Variants in C11orf65 observed in about 807,000 individuals in gnomAD.
C11orf65 encodes chromosome 11 open reading frame 65, also known as protein MFI.
C11orf65 carries 38 observed loss-of-function variants against 35.3 expected under a neutral mutation model. The ratio of observed to expected loss-of-function variants is 1.08; its 90% CI spans 0.83 to 1.41. The LOEUF is 1.41. C11orf65 is among the 40% of genes most tolerant of loss of function. C11orf65 has a pLI of 0.00. For synonymous variants in C11orf65, 105 were observed against 114.4 expected (o/e 0.92, Z 0.53); for missense variants, 370 against 367.1 (o/e 1.01, Z -0.06).
intron 2 of C11orf65, among the ~76,000 whole-genome samples, chr11:108,369,495 A>G (rs2091485758): frequency 6.6e-6 from 1 of 152,188 alleles, no homozygotes; most frequent in Non-Finnish European, 1.5e-5. Context: ...TTTTAAAATA[A>G]ATTCAGTCCT....
intron 6 of C11orf65, among the ~76,000 whole-genome samples, chr11:108,313,954 A>G (rs2084387596): frequency 6.6e-6 from 1 of 152,084 alleles, no homozygotes; most frequent in Non-Finnish European, 1.5e-5. Flanking sequence ...TGTAAATTTT[A>G]CAACAAAGAT....
At chr11:108,393,044 C>T (rs2092203430) in intron 7 of C11orf65, among the ~76,000 whole-genome samples, 164 bp downstream of exon 7, 1 of 151,988 alleles carries the variant, frequency 6.6e-6, no homozygotes, top group African/African-American at 2.4e-5. Context: ...ATTTTCTTAC[C>T]CCTCATGTCT....
chr11:108,428,024 T>G (rs1591532447), intron 3 of C11orf65, among the ~76,000 whole-genome samples: 1 of 132,394 alleles, frequency 7.6e-6, no homozygotes, highest in Non-Finnish European at 1.6e-5. Flanking sequence ...TAGAGACGGG[T>G]TTCACCGTTT....
intron 3 of C11orf65, among the ~76,000 whole-genome samples, chr11:108,429,328 G>T (rs762861696): frequency 3.8e-4 from 58 of 152,162 alleles, no homozygotes; most frequent in Middle Eastern, 3.2e-3. Flanking sequence ...GATTGGTTAT[G>T]AATTGCTAAC....
intron 2 of C11orf65, among the ~76,000 whole-genome samples, chr11:108,371,868 A>G (rs1280603855): frequency 6.6e-6 from 1 of 152,158 alleles, no homozygotes; most frequent in African/African-American, 2.4e-5. Flanking sequence ...AAGGGTTGCA[A>G]TTTCTCAACA....
intron 2 of C11orf65, among the ~76,000 whole-genome samples, chr11:108,453,339 GGAA>G (rs2093375092): frequency 6.7e-6 from 1 of 149,820 alleles, no homozygotes; most frequent in Non-Finnish European, 1.5e-5. Context: ...GGAAAATACA[GGAA>G]GAACAGATCA....
intron 2 of C11orf65, chr11:108,356,195 A>T (rs1232820326): frequency 6.6e-6 from 1 of 152,208 alleles, no homozygotes; most frequent in Non-Finnish European, 1.5e-5. Flanking sequence ...TGCCTCAATA[A>T]TGTCGAAATT....
At chr11:108,320,192 G>A in intron 6 of C11orf65, 1 of 704,566 alleles carries the variant, frequency 1.4e-6, no homozygotes. Flanking sequence ...GTGATCAGAT[G>A]TTTCCTTGTA....
At chr11:108,461,452 T>C in intron 2 of C11orf65, 27 bp downstream of exon 2, 2 of 1,525,608 alleles carry the variant, frequency 1.3e-6, no homozygotes, top group Non-Finnish European at 1.8e-6. Flanking sequence ...AAAATTATAT[T>C]TCAATAAAAC....
intron 2 of C11orf65, chr11:108,356,132 G>C (rs1409676333): frequency 1.3e-5 from 2 of 152,150 alleles, no homozygotes; most frequent in East Asian, 3.8e-4. Context: ...TAAATGATAA[G>C]AAAATAAGCA....
At chr11:108,433,763 T>C (rs2093026551) in intron 2 of C11orf65, among the ~76,000 whole-genome samples, 1 of 151,654 alleles carries the variant, frequency 6.6e-6, no homozygotes, top group Non-Finnish European at 1.5e-5. Flanking sequence ...AAGTAAAAGG[T>C]GGGACTCACA....
rs1244168959 is a variant in C11orf65, at chr11:108,325,393, T to C, written c.641-16322A>G. ...CTTCTCAAGGACAGTGATTTTAGTTTTCAGGAGCCTATCATGGCTCTACGC... is the reference window on the plus strand; with the variant it reads ...CTTCTCAAGGACAGTGATTTTAGTTCTCAGGAGCCTATCATGGCTCTACGC... On this transcript the variant is annotated intron_variant, in intron 6 of 6. Transcript: ENST00000525729. The C allele has an allele frequency of 3.7e-6, 6 of 1,613,904 alleles. No homozygotes were observed. Among genetic ancestry groups the C allele is most frequent in the Non-Finnish European group, 5.1e-6 (6 of 1,179,924 alleles).
At chr11:108,339,903 G>T (rs2087317189) in intron 2 of C11orf65, among the ~76,000 whole-genome samples, 2 of 152,072 alleles carry the variant, frequency 1.3e-5, no homozygotes, top group Admixed American at 1.3e-4. Flanking sequence ...TATTAGGCAG[G>T]AAGGGAAATC....
At chr11:108,325,672 T>G (rs2085606133) in intron 6 of C11orf65, 9 of 865,410 alleles carry the variant, frequency 1.0e-5, no homozygotes, top group Non-Finnish European at 1.4e-5. Context: ...ATAGTAAAAA[T>G]AATTGTTTAA....
At chr11:108,441,314 G>A (rs1194972805) in intron 2 of C11orf65, among the ~76,000 whole-genome samples, 1 of 152,346 alleles carries the variant, frequency 6.6e-6, no homozygotes, top group East Asian at 1.9e-4. Flanking sequence ...GGTAAACAAA[G>A]CAGCCGGGAA....
downstream of C11orf65, among the ~76,000 whole-genome samples, chr11:108,329,521 T>C (rs2136433339): frequency 6.6e-6 from 1 of 152,190 alleles, no homozygotes; most frequent in East Asian, 1.9e-4. Context: ...CTCAATTGAT[T>C]CTCCCCCTGA....
rs1014103655 is a variant in C11orf65 at position 108,377,460 on chromosome 11, A to C, written c.226+15748T>G. ...TCATGCTAAAAACTCTCAATAAATT[A>C]GGTATTGATGGGACGTATCTCAAAA... On this transcript the variant is annotated intron_variant, in intron 2 of 3. Transcript: ENST00000524755. 5.9e-3 allele frequency among the ~76,000 whole-genome samples: 902 copies of C among 152,320 alleles called. 10 individuals carry two copies. Among genetic ancestry groups the C allele is most frequent in the African/African-American group, 0.021 (854 of 41,554 alleles).
chr11:108,389,988 C>T (rs1051585234), intron 7 of C11orf65, among the ~76,000 whole-genome samples: 4 of 117,630 alleles, frequency 3.4e-5, no homozygotes, highest in African/African-American at 1.1e-4. Flanking sequence ...GCCACCTCGC[C>T]TGGCTGGTTT....
At chr11:108,332,986 A>G in intron 3 of C11orf65, 1 of 1,493,084 alleles carries the variant, frequency 6.7e-7, no homozygotes, top group Non-Finnish European at 9.1e-7. Flanking sequence ...TAATAAGTAA[A>G]TCTGCTTAAA....
Sources: allele counts gnomAD v4.1 joint callset (sites outside exome capture counted in the v4.1 genomes callset), GRCh38; gene constraint gnomAD v4.1.1; transcripts MANE v1.5; gene names NCBI Gene and HGNC (gene_info 2026-07-23, HGNC 2026-07-21).